Variants in HSD11B1L observed in about 807,000 individuals in gnomAD.
HSD11B1L encodes hydroxysteroid 11-beta-dehydrogenase 1-like protein.
In HSD11B1L, 22 loss-of-function variants were observed where a neutral mutation model predicts 27.0. The observed-to-expected ratio is 0.81, with a 90% CI of 0.58 to 1.16. The LOEUF (loss-of-function observed/expected upper bound fraction) is 1.16, where lower values mean the gene tolerates loss of function less well. HSD11B1L is among the 50% of genes most tolerant of loss of function. HSD11B1L has a pLI of 0.00. For missense variants in HSD11B1L, 372 were observed against 401.8 expected (o/e 0.93, Z 0.63); for synonymous variants, 187 against 189.2 (o/e 0.99, Z 0.09).
Position 5,687,691 on chromosome 19 carries a change from G to T in HSD11B1L, c.668+23G>T. The T allele has an allele frequency of 2.6e-6, 4 of 1,554,000 alleles. No homozygotes were observed. Among genetic ancestry groups the T allele is most frequent in the Non-Finnish European group, 3.5e-6 (4 of 1,154,502 alleles). On this transcript the variant is annotated intron_variant, in intron 7 of 7. Coordinates refer to ENST00000339423, the MANE Select transcript of HSD11B1L (RefSeq NM_198706.3). This position sits in a 1 kb window ranked among gnomAD's most constrained non-coding sequence, Gnocchi z 6.6. ...CAGGTGAGGCCCGGACAAGCTGGGG[G>T]CTGGGCTGGGGGCCATGGCCCAGCC...
Position 5,688,415 on chromosome 19 carries a change from C to G in HSD11B1L, c.*470C>G. 1 of 576,544 alleles carries G rather than the reference C, an allele frequency of 1.7e-6. No homozygotes were observed. Among genetic ancestry groups the G allele is most frequent in the Non-Finnish European group, 3.1e-6 (1 of 325,928 alleles). 35.7% of individuals were successfully genotyped at this position (576,544 alleles called of 1,614,324 possible). A position where few individuals can be genotyped will look rare whatever the true frequency, so the allele number is the denominator to read the frequency against. On this transcript the variant is annotated 3_prime_UTR_variant, in exon 8 of 8. Transcript: ENST00000339423. ...CTTCACACCTGCAGGGGCGTCTACA[C>G]TGTTCGTCTACCTGGTGGCAGGGTC...
In HSD11B1L at chr19:5,688,072, G is replaced by GAA; in HGVS notation, c.*130_*131dup. On this transcript the variant is annotated 3_prime_UTR_variant, in exon 8 of 8. Transcript: ENST00000339423. ...AGCCCAAGATGAAGTCATCAAGACA[G>GAA]AAAAGCAAAACCGAGAAAAACGACG... 1 of 1,550,258 alleles carries GAA rather than the reference G, an allele frequency of 6.5e-7. No individual in the cohort carries two copies.
chr19:5,684,049 CACT>C (rs917220414), intron 1 of HSD11B1L: 1 of 485,458 alleles, frequency 2.1e-6, no homozygotes. Flanking sequence ...AATCTCGGCA[CACT>C]ACAACTTCTG....
intron 1 of HSD11B1L, chr19:5,684,461 C>T (rs189207107): frequency 2.4e-4 from 100 of 414,040 alleles, no homozygotes; most frequent in Middle Eastern, 3.1e-4. Flanking sequence ...CAAGGAACAG[C>T]GAAGGGTCTG....
In HSD11B1L at chr19:5,684,839, G is replaced by A. The variant is rs1464938155; in HGVS notation, c.7G>A (p.Val3Met). The A allele has an allele frequency of 1.2e-6, 2 of 1,613,832 alleles. No homozygotes were observed. Among genetic ancestry groups the A allele is most frequent in the South Asian group, 1.1e-5 (1 of 91,086 alleles). Residue 3 changes from valine to methionine, a missense_variant, in exon 2 of 8, where the codon GTG becomes ATG. Transcript: ENST00000339423. ...TGCAGGCCCACACAGGACCATGAAG[G>A]TGCTTCTCCTCACAGGGCTGGGGGC... MK[V>M]LLLTGLGALF...
chr19:5,687,741 T>A lies in HSD11B1L; in HGVS notation c.669-12T>A, dbSNP rs1301495666. ...CCCAGCCGCAGTCCCCACCGTGCCC[T>A]CCTGTCCCCAGGGGAGTCACGAGGG... On this transcript the variant is annotated splice_polypyrimidine_tract_variant and intron_variant, in intron 7 of 7. Transcript: ENST00000339423. This position sits in a 1 kb window ranked among gnomAD's most constrained non-coding sequence, Gnocchi z 6.6. The A allele has an allele frequency of 1.3e-6, 2 of 1,491,970 alleles. No homozygotes were observed. Among genetic ancestry groups the A allele is most frequent in the Non-Finnish European group, 1.8e-6 (2 of 1,125,490 alleles). 92.4% of individuals were successfully genotyped at this position (1,491,970 alleles called of 1,614,324 possible). A position where few individuals can be genotyped will look rare whatever the true frequency, so the allele number is the denominator to read the frequency against.
In HSD11B1L at chr19:5,686,488, G is replaced by GCGCC; in HGVS notation, c.280_283dup (p.Glu95AlafsTer224). 6.3e-7 allele frequency: 1 copy of GCGCC among 1,585,230 alleles called. No homozygotes were observed. The highest frequency in any genetic ancestry group is 1.2e-5 in the South Asian group (1 of 86,366). On this transcript the variant is annotated frameshift_variant, in exon 4 of 8. Transcript: ENST00000339423. LOFTEE classifies it high-confidence loss of function. Reference sequence around the variant, plus strand: ...CGCGGCGGACATGGCCTCCCCTGAGGCGCCCGAGAGCGTGGTGCAGTTTGC... The same window carrying GCGCC: ...CGCGGCGGACATGGCCTCCCCTGAGGCGCCCGCCCGAGAGCGTGGTGCAGTTTGC...
At chr19:5,682,387 G>C (rs2054578696) in intron 1 of HSD11B1L, among the ~76,000 whole-genome samples, 1 of 152,118 alleles carries the variant, frequency 6.6e-6, no homozygotes, top group South Asian at 2.1e-4. Context: ...CCCGGGGTAG[G>C]GTCTAGGAGG....
intron 1 of HSD11B1L, among the ~76,000 whole-genome samples, chr19:5,682,098 C>A (rs527782068): frequency 6.6e-6 from 1 of 152,118 alleles, no homozygotes; most frequent in South Asian, 2.1e-4. Context: ...TAGATGGGGC[C>A]GTGGGAGAGA....
At chr19:5,682,352 C>T (rs1312795273) in intron 1 of HSD11B1L, among the ~76,000 whole-genome samples, 2 of 151,758 alleles carry the variant, frequency 1.3e-5, no homozygotes, top group Admixed American at 6.6e-5. Flanking sequence ...GAAGGGAGGC[C>T]AAAGGAAAGA....
intron 1 of HSD11B1L, among the ~76,000 whole-genome samples, chr19:5,682,225 T>C (rs111683706): frequency 9.2e-5 from 14 of 152,166 alleles, no homozygotes; most frequent in African/African-American, 3.1e-4. Context: ...GGAAGGGCCA[T>C]GGCCATGTTG....
In HSD11B1L at chr19:5,687,047, C is replaced by T. The variant is rs539071106; in HGVS notation, c.408+56C>T. 31 of 1,447,020 alleles carry T rather than the reference C, an allele frequency of 2.1e-5. No homozygotes were observed. Among genetic ancestry groups the T allele is most frequent in the Admixed American group, 4.0e-5 (2 of 49,688 alleles). 89.6% of individuals were successfully genotyped at this position (1,447,020 alleles called of 1,614,324 possible). A position where few individuals can be genotyped will look rare whatever the true frequency, so the allele number is the denominator to read the frequency against. On this transcript the variant is annotated intron_variant, in intron 5 of 7. Coordinates refer to ENST00000339423, the MANE Select transcript of HSD11B1L (RefSeq NM_198706.3). This position sits in a 1 kb window ranked among gnomAD's most constrained non-coding sequence, Gnocchi z 6.6. ...CCCTCTATCTCAGGGACCGGTGGTC[C>T]GTTCCCTTCGCGGTCCGGGTTCTGC...
At position 5,685,943 on chromosome 19, in the gene HSD11B1L, G is replaced by A. The variant is rs1190095020; in HGVS notation, c.205-473G>A. On this transcript the variant is annotated intron_variant, in intron 3 of 7. Transcript: ENST00000339423. The surrounding 1 kb of genome is among the most constrained non-coding windows in gnomAD (Gnocchi z 4.3). ...AAAAACCCACCTTCTCATGGGTTAG[G>A]ATGTTGTGCCAATGCAGTGAGACGG... is the stretch of plus-strand genomic sequence containing the variant. Among the ~76,000 whole-genome samples the A allele has an allele frequency of 1.3e-5, 2 of 152,088 alleles. No homozygotes were observed. Among genetic ancestry groups the A allele is most frequent in the Non-Finnish European group, 2.9e-5 (2 of 68,016 alleles).
At position 5,687,414 on chromosome 19, in the gene HSD11B1L, G is replaced by A. The variant is rs778742537; in HGVS notation, c.502+39G>A. ...GCCCCGGCTCTGCGGGACGGGGAGT[G>A]GGGAGCTCGATGCGGGTGAGCCTGG... On this transcript the variant is annotated intron_variant, in intron 6 of 7. Transcript: ENST00000339423. The surrounding 1 kb of genome is among the most constrained non-coding windows in gnomAD (Gnocchi z 6.6). 6.2e-7 allele frequency: 1 copy of A among 1,605,494 alleles called. No individual in the cohort carries two copies. The highest frequency in any genetic ancestry group is 2.2e-5 in the East Asian group (1 of 44,750).
chr19:5,683,203 A>C (rs2145541590), intron 1 of HSD11B1L, among the ~76,000 whole-genome samples: 1 of 143,234 alleles, frequency 7.0e-6, no homozygotes, highest in East Asian at 2.0e-4. Flanking sequence ...AGTGAAACTC[A>C]GTCTCAAAAA....
chr19:5,681,919 C>T (rs896314828), intron 1 of HSD11B1L, among the ~76,000 whole-genome samples: 2 of 152,264 alleles, frequency 1.3e-5, no homozygotes, highest in African/African-American at 2.4e-5. Context: ...TTCCCCCTGC[C>T]GGGCTGCTGC....
In HSD11B1L at chr19:5,684,999, G is replaced by A. The variant is rs776668734; in HGVS notation, c.84G>A (p.Gln28=). The change falls in exon 3 of 8, where the codon CAG becomes CAA. Residue 28 remains glutamine (Q), a synonymous_variant. Coordinates refer to ENST00000339423, the MANE Select transcript of HSD11B1L (RefSeq NM_198706.3). The stretch of plus-strand genomic sequence containing the variant: ...CCCGGCTATGGCCAGCCAGCCTCCA[G>A]GGAGCGCGAGTGCTGCTGACAGGGG... ...WDDNFDPASL[Q]GARVLLTGAN... 1.9e-6 allele frequency: 3 copies of A among 1,603,200 alleles called. No individual in the cohort carries two copies. The highest frequency in any genetic ancestry group is 1.7e-6 in the Non-Finnish European group (2 of 1,174,912).
chr19:5,686,767 C>A, intron 4 of HSD11B1L, 133 bp from the exon 5 acceptor site: 1 of 776,852 alleles, frequency 1.3e-6, no homozygotes, highest in South Asian at 1.8e-5. Flanking sequence ...GGCTGGGTGT[C>A]TTTGATCGTA....
In HSD11B1L at chr19:5,686,498, G is replaced by A; in HGVS notation, c.287G>A (p.Ser96Asn). 1 of 1,584,248 alleles carries A rather than the reference G, an allele frequency of 6.3e-7. No homozygotes were observed. Residue 96 changes from serine (S) to asparagine (N), a missense_variant, in exon 4 of 8, where the codon AGC becomes AAC. Coordinates refer to ENST00000339423, the MANE Select transcript of HSD11B1L (RefSeq NM_198706.3). ...ADMASPEAPE[S>N]VVQFALDKLG... Reference sequence around the variant, plus strand: ...ATGGCCTCCCCTGAGGCGCCCGAGAGCGTGGTGCAGTTTGCGCTGGACAAG... The same window carrying A: ...ATGGCCTCCCCTGAGGCGCCCGAGAACGTGGTGCAGTTTGCGCTGGACAAG...
Sources: allele counts gnomAD v4.1 joint callset (sites outside exome capture counted in the v4.1 genomes callset), GRCh38; gene constraint gnomAD v4.1.1; non-coding constraint Gnocchi (gnomAD v3.1); transcripts MANE v1.5; gene names NCBI Gene and HGNC (gene_info 2026-07-23, HGNC 2026-07-21).